Variants in FAM135B observed in about 807,000 individuals in gnomAD.
FAM135B encodes family with sequence similarity 135 member B, also known as protein FAM135B.
In FAM135B, 43 loss-of-function variants were observed where a neutral mutation model predicts 127.7. The ratio of observed to expected loss-of-function variants is 0.34; its 90% CI spans 0.26 to 0.43. The LOEUF (loss-of-function observed/expected upper bound fraction) is 0.43, where lower values mean the gene tolerates loss of function less well. FAM135B is among the 20% of genes least tolerant of loss of function. The pLI is 1.00. For synonymous variants in FAM135B, 670 were observed against 665.1 expected (o/e 1.01, Z -0.11); for missense variants, 1,558 against 1,725.6 (o/e 0.90, Z 1.72).
At chr8:138,494,379 A>T (rs1815307479) in intron 1 of FAM135B, among the ~76,000 whole-genome samples, 1 of 152,222 alleles carries the variant, frequency 6.6e-6, no homozygotes, top group African/African-American at 2.4e-5. Flanking sequence ...GGCACCTATC[A>T]TTGGGAAGCA....
Position 138,195,143 on chromosome 8 carries a change from G to A in FAM135B, c.873+115C>T, listed in dbSNP as rs141831848. ...ATATTTCTCCAGCTTGGTATCTAGA[G>A]TGAAGTTACAAGTGGTGTCTTTTCA... On this transcript the variant is annotated intron_variant, in intron 9 of 19. Coordinates refer to ENST00000395297, the MANE Select transcript of FAM135B (RefSeq NM_015912.4). 136 of 893,804 alleles carry A rather than the reference G, an allele frequency of 1.5e-4. No homozygotes were observed. The African/African-American group carries it at 1.9e-3, about 12-fold the overall frequency. 55.4% of individuals were successfully genotyped at this position (893,804 alleles called of 1,614,324 possible).
At chr8:138,435,362 G>T (rs897132287) in intron 1 of FAM135B, among the ~76,000 whole-genome samples, 1 of 152,028 alleles carries the variant, frequency 6.6e-6, no homozygotes, top group Non-Finnish European at 1.5e-5. Context: ...ATGCCTCAAT[G>T]CACCTCATCT....
intron 1 of FAM135B, among the ~76,000 whole-genome samples, chr8:138,429,719 G>T (rs919041794): frequency 6.6e-6 from 1 of 152,164 alleles, no homozygotes; most frequent in South Asian, 2.1e-4. Flanking sequence ...AAGTAGAACA[G>T]CAGAGGCAGA....
chr8:138,411,611 G>C (rs1187825437), intron 1 of FAM135B, among the ~76,000 whole-genome samples: 5 of 152,082 alleles, frequency 3.3e-5, no homozygotes, highest in African/African-American at 1.2e-4. Flanking sequence ...AAAAGCAATG[G>C]CAACAAAAGC....
At chr8:138,443,997 C>T (rs1835958705) in intron 1 of FAM135B, among the ~76,000 whole-genome samples, 1 of 152,108 alleles carries the variant, frequency 6.6e-6, no homozygotes, top group South Asian at 2.1e-4. Flanking sequence ...GCAGGGGTTG[C>T]AATCCTAGTC....
At chr8:138,198,925 C>A (rs1396997884) in intron 7 of FAM135B, among the ~76,000 whole-genome samples, 1 of 152,328 alleles carries the variant, frequency 6.6e-6, no homozygotes, top group East Asian at 1.9e-4. Context: ...CTACTGTTCA[C>A]ATGGCCGTGA....
chr8:138,332,362 C>T (rs1305108637), intron 2 of FAM135B, among the ~76,000 whole-genome samples: 6 of 152,206 alleles, frequency 3.9e-5, no homozygotes, highest in East Asian at 1.9e-4. Context: ...AAAATATTTG[C>T]GTTTGCTACA....
intron 2 of FAM135B, chr8:138,367,524 T>C: frequency 2.2e-6 from 1 of 448,516 alleles, no homozygotes; most frequent in Non-Finnish European, 4.4e-6. Flanking sequence ...GGTTTTGAAG[T>C]AATGGCCTGC....
chr8:138,139,798 C>T (rs766271378), intron 17 of FAM135B, among the ~76,000 whole-genome samples: 3 of 152,086 alleles, frequency 2.0e-5, no homozygotes, highest in Non-Finnish European at 2.9e-5. Context: ...AAATCTCATG[C>T]GTTTAGCTAA....
intron 2 of FAM135B, among the ~76,000 whole-genome samples, chr8:138,345,265 A>G (rs1344357912): frequency 6.6e-6 from 1 of 152,204 alleles, no homozygotes; most frequent in Non-Finnish European, 1.5e-5. Flanking sequence ...GGTGATTAGC[A>G]TAAGTGGTAG....
intron 9 of FAM135B, among the ~76,000 whole-genome samples, chr8:138,179,340 C>T (rs897333388): frequency 2.0e-5 from 3 of 152,180 alleles, no homozygotes; most frequent in Admixed American, 6.5e-5. Flanking sequence ...GTTATAACTT[C>T]CAATCATCAC....
intron 2 of FAM135B, among the ~76,000 whole-genome samples, chr8:138,323,654 G>T (rs570238071): frequency 1.3e-5 from 2 of 152,244 alleles, no homozygotes; most frequent in Admixed American, 1.3e-4. Flanking sequence ...TTAAGCACAG[G>T]GTAAGTTATA....
intron 15 of FAM135B, chr8:138,144,502 G>A (rs1370330190): frequency 8.9e-6 from 1 of 112,146 alleles, no homozygotes; most frequent in Admixed American, 1.0e-4. Context: ...TCTATAAAAT[G>A]TTAATTCAAC....
At chr8:138,169,922 C>A (rs904445154) in intron 11 of FAM135B, among the ~76,000 whole-genome samples, 8 of 152,124 alleles carry the variant, frequency 5.3e-5, no homozygotes, top group Admixed American at 2.0e-4. Flanking sequence ...TGACCAAGTA[C>A]CTAAAGCAAT....
chr8:138,435,116 G>A (rs906491228), intron 1 of FAM135B, among the ~76,000 whole-genome samples: 1 of 152,122 alleles, frequency 6.6e-6, no homozygotes, highest in Non-Finnish European at 1.5e-5. Flanking sequence ...GGCCAAGATG[G>A]TGAAACCTCA....
At chr8:138,321,105 T>G (rs1355566116) in intron 2 of FAM135B, among the ~76,000 whole-genome samples, 1 of 152,166 alleles carries the variant, frequency 6.6e-6, no homozygotes, top group African/African-American at 2.4e-5. Context: ...TTAACGCTAG[T>G]AACTTTCCCT....
At chr8:138,260,997 C>A (rs1024967240) in intron 4 of FAM135B, among the ~76,000 whole-genome samples, 3 of 152,112 alleles carry the variant, frequency 2.0e-5, no homozygotes, top group African/African-American at 7.2e-5. Context: ...CTTTCTTTCC[C>A]AAATCTGCCT....
intron 1 of FAM135B, among the ~76,000 whole-genome samples, chr8:138,490,549 A>C (rs1176938610): frequency 6.6e-6 from 1 of 152,182 alleles, no homozygotes; most frequent in East Asian, 1.9e-4. Context: ...AACTTCCACC[A>C]CAGGAACTTC....
chr8:138,219,262 T>G (rs537656551), intron 7 of FAM135B, among the ~76,000 whole-genome samples: 25 of 152,302 alleles, frequency 1.6e-4, no homozygotes, highest in Non-Finnish European at 3.2e-4. Context: ...AATACGCCTT[T>G]GGTTTTGCTT....
Sources: gnomAD v4.1 joint callset for allele counts (sites outside exome capture counted in the v4.1 genomes callset) on GRCh38, gnomAD v4.1.1 for gene constraint, MANE v1.5 for transcripts, NCBI Gene and HGNC (gene_info 2026-07-23, HGNC 2026-07-21) for gene names.